The following EAPP variants were observed in gnomAD, a reference collection of about 807,000 sequenced individuals.
The protein encoded by EAPP is E2F associated phosphoprotein, also known as E2F-associated phosphoprotein.
Under a neutral mutation model 34.3 loss-of-function variants are expected in EAPP, and 38 were observed. The observed-to-expected ratio is 1.11, with a 90% confidence interval of 0.85 to 1.45. The LOEUF (loss-of-function observed/expected upper bound fraction) is 1.45, where lower values mean the gene tolerates loss of function less well. EAPP is among the 40% of genes most tolerant of loss of function. The pLI, the probability that EAPP is intolerant of heterozygous loss-of-function variation, is 0.00. For synonymous variants in EAPP, 113 were observed against 117.6 expected, an observed-to-expected ratio of 0.96 and a Z score of 0.25; for missense variants, 338 against 343.7, an observed-to-expected ratio of 0.98 and a Z score of 0.13.
At chr14:34,520,855 G>C (rs1164139854) in intron 5 of EAPP, among the ~76,000 whole-genome samples, 1 of 151,284 alleles carries the variant, frequency 6.6e-6, no homozygotes, top group Non-Finnish European at 1.5e-5. Context: ...TTTCCACTGA[G>C]AAATCTGTTG....
intron 4 of EAPP, among the ~76,000 whole-genome samples, chr14:34,528,672 G>A (rs1480595440): frequency 6.6e-6 from 1 of 150,640 alleles, no homozygotes; most frequent in East Asian, 2.0e-4. Context: ...CACCTGCCTC[G>A]GCCTCCCAAA....
intron 4 of EAPP, among the ~76,000 whole-genome samples, chr14:34,527,257 C>T (rs1285376906): frequency 6.6e-6 from 1 of 151,676 alleles, no homozygotes; most frequent in African/African-American, 2.4e-5. Context: ...CACCTGGGGC[C>T]AGGAGTTCAA....
chr14:34,517,191 G>C (rs1394552453), intron 5 of EAPP, among the ~76,000 whole-genome samples: 2 of 151,368 alleles, frequency 1.3e-5, no homozygotes, highest in African/African-American at 4.9e-5. Flanking sequence ...GCCCGCCTCG[G>C]CCTCCCAAAG....
At chr14:34,536,936 T>A (rs551160703) in intron 1 of EAPP, among the ~76,000 whole-genome samples, 1 of 152,224 alleles carries the variant, frequency 6.6e-6, no homozygotes, top group African/African-American at 2.4e-5. Flanking sequence ...GCACTATAGT[T>A]TTGTAGTATG....
chr14:34,533,458 T>A lies in EAPP; in HGVS notation c.338A>T (p.Asp113Val). 1 of 1,612,000 alleles carries A rather than the reference T, an allele frequency of 6.2e-7. No individual in the cohort carries two copies. The highest frequency in any genetic ancestry group is 1.1e-5 in the South Asian group (1 of 90,752). ...DDIYFDSDSE[D>V]EDRAVQVTKK... ...AGGTTACTTACCTGCTCTGTCTTCA[T>A]CCTCGGAATCAGAATCAAAATATAT... Residue 113 changes from aspartate to valine, a missense_variant, in exon 3 of 6, where the codon GAT becomes GTT. Physicochemically the swap from Asp to Val is radical, Grantham distance 152 (BLOSUM62 -3). Transcript: ENST00000250454.
chr14:34,529,220 G>T, intron 4 of EAPP, 138 bp downstream of exon 4: 1 of 640,270 alleles, frequency 1.6e-6, no homozygotes, highest in Non-Finnish European at 2.6e-6. Context: ...CTACTGAGCA[G>T]TTTTTTCCTC....
At chr14:34,528,342 C>T (rs1056013671) in intron 4 of EAPP, among the ~76,000 whole-genome samples, 1 of 145,244 alleles carries the variant, frequency 6.9e-6, no homozygotes, top group African/African-American at 2.5e-5. Context: ...AGCCTCATCT[C>T]AATTTTTAAA....
At chr14:34,523,718 A>G (rs1383079788) in intron 5 of EAPP, among the ~76,000 whole-genome samples, 1 of 151,490 alleles carries the variant, frequency 6.6e-6, no homozygotes, top group Non-Finnish European at 1.5e-5. Context: ...TTATTTTTTT[A>G]TTTTTTGTAG....
At position 34,529,384 on chromosome 14, in the gene EAPP, C is replaced by G. The variant is rs1279736649; in HGVS notation, c.444G>C (p.Gln148His). 6.2e-7 allele frequency: 1 copy of G among 1,612,446 alleles called. No individual in the cohort carries two copies. Among genetic ancestry groups the G allele is most frequent in the Non-Finnish European group, 8.5e-7 (1 of 1,178,982 alleles). Residue 148 changes from glutamine to histidine, a missense_variant, in exon 4 of 6, where the codon CAG becomes CAC. By Grantham distance (24) the Gln-to-His change is conservative (BLOSUM62 0). Transcript: ENST00000250454. ...CCCTTCTCTGTGCATCAACCCAGGC[C>G]TGATCTCTGTTATCTTTTTCAGGAT... ...LYDPEKDNRD[Q>H]AWVDAQRRGY...
intron 4 of EAPP, among the ~76,000 whole-genome samples, chr14:34,526,384 C>T (rs961521051): frequency 2.0e-5 from 3 of 151,616 alleles, no homozygotes; most frequent in Admixed American, 6.6e-5. Context: ...GCCGAAATTG[C>T]GATACTGCAC....
rs1594653637 is a variant in EAPP at position 34,516,316 on chromosome 14, A to G, written c.852T>C (p.His284=). 6.2e-7 allele frequency: 1 copy of G among 1,610,150 alleles called. No individual in the cohort carries two copies. The highest frequency in any genetic ancestry group is 1.1e-5 in the South Asian group (1 of 90,560). ...VFHFFNVLAS[H]S The stretch of plus-strand genomic sequence containing the variant: ...TAAATGCCAGTTGGGCTGTTTAGGA[A>G]TGGCTTGCTAAAACATTGAAAAAAT... The change falls in exon 6 of 6, where the codon CAT becomes CAC. Residue 284 remains histidine, a synonymous_variant. Coordinates refer to ENST00000250454, the MANE Select transcript of EAPP (RefSeq NM_018453.4).
chr14:34,518,211 G>A (rs1879798681), intron 5 of EAPP, among the ~76,000 whole-genome samples: 1 of 151,076 alleles, frequency 6.6e-6, no homozygotes. Flanking sequence ...TAACTCTGAT[G>A]TTTCTTTATG....
At position 34,516,162 on chromosome 14, in the gene EAPP, G is replaced by T; in HGVS notation, c.*148C>A. The T allele has an allele frequency of 1.4e-6, 1 of 702,284 alleles. No homozygotes were observed. 43.5% of individuals were successfully genotyped at this position (702,284 alleles called of 1,614,324 possible). On this transcript the variant is annotated 3_prime_UTR_variant, in exon 6 of 6. Transcript: ENST00000250454. ...AAAGGAGAGGGTGAGAGATGTAAGA[G>T]ATGAATGAAGGTTGACAACTATTCT...
intron 1 of EAPP, 169 bp downstream of exon 1, chr14:34,539,386 G>C (rs544630364): frequency 2.7e-6 from 2 of 741,088 alleles, no homozygotes; most frequent in African/African-American, 1.7e-5. Flanking sequence ...CCTCCCCCCG[G>C]GACTGCGCGA....
At chr14:34,530,195 C>T (rs996310409) in intron 3 of EAPP, among the ~76,000 whole-genome samples, 2 of 151,084 alleles carry the variant, frequency 1.3e-5, no homozygotes, top group Admixed American at 1.3e-4. Flanking sequence ...AGCAAAACTC[C>T]GTCTCAAAAA....
At chr14:34,523,252 T>TG (rs1879976685) in intron 5 of EAPP, among the ~76,000 whole-genome samples, 1 of 151,728 alleles carries the variant, frequency 6.6e-6, no homozygotes, top group Admixed American at 6.6e-5. Flanking sequence ...TTTTTTTTTT[T>TG]TTTGAGACGG....
chr14:34,521,881 T>A (rs1268019804), intron 5 of EAPP, among the ~76,000 whole-genome samples: 1 of 152,026 alleles, frequency 6.6e-6, no homozygotes, highest in Non-Finnish European at 1.5e-5. Flanking sequence ...TGATCAGCCC[T>A]CCTCAGTCTC....
intron 1 of EAPP, among the ~76,000 whole-genome samples, chr14:34,538,308 G>A (rs1464377917): frequency 1.3e-5 from 2 of 152,196 alleles, no homozygotes; most frequent in Admixed American, 1.3e-4. Flanking sequence ...GAACCCAGGA[G>A]GTGGAGGCTA....
intron 4 of EAPP, among the ~76,000 whole-genome samples, chr14:34,526,352 C>G (rs1410909767): frequency 1.3e-5 from 2 of 151,710 alleles, no homozygotes; most frequent in African/African-American, 4.8e-5. Context: ...TGCTTGAACC[C>G]AGGAGGTGGA....
Sources: gnomAD v4.1 joint callset for allele counts (sites outside exome capture counted in the v4.1 genomes callset) on GRCh38, gnomAD v4.1.1 for gene constraint, MANE v1.5 for transcripts, NCBI Gene and HGNC (gene_info 2026-07-23, HGNC 2026-07-21) for gene names.